SNTG2: variants seen among roughly 807,000 people sequenced by gnomAD.
The protein encoded by SNTG2 is gamma-2-syntrophin.
Under a neutral mutation model 70.9 loss-of-function variants are expected in SNTG2, and 74 were observed. The observed-to-expected ratio is 1.04, with a 90% CI of 0.86 to 1.27. The LOEUF is 1.27. SNTG2 is among the 50% of genes most tolerant of loss of function. The pLI, the probability that SNTG2 is intolerant of heterozygous loss-of-function variation, is 0.00. For synonymous variants in SNTG2, 278 were observed against 273.8 expected, an observed-to-expected ratio of 1.02 and a Z score of -0.15; for missense variants, 717 against 690.7, an observed-to-expected ratio of 1.04 and a Z score of -0.43.
intron 2 of SNTG2, 122 bp downstream of exon 2, chr2:1,083,777 C>G: frequency 9.2e-7 from 1 of 1,082,092 alleles, no homozygotes; most frequent in Non-Finnish European, 1.3e-6. Context: ...TTTAAATATC[C>G]CCAACTACTG....
chr2:1,238,551 G>A (rs1433207010), intron 10 of SNTG2, among the ~76,000 whole-genome samples: 1 of 152,164 alleles, frequency 6.6e-6, no homozygotes, highest in East Asian at 1.9e-4. Context: ...AAAGTCAACA[G>A]GATTTTAAAA....
intron 4 of SNTG2, among the ~76,000 whole-genome samples, chr2:1,113,515 C>A (rs535189198): frequency 1.6e-5 from 2 of 127,092 alleles, no homozygotes; most frequent in Non-Finnish European, 1.7e-5. Flanking sequence ...AGTCCTTTGA[C>A]GAGGATTGTG....
intron 4 of SNTG2, among the ~76,000 whole-genome samples, chr2:1,102,186 A>T (rs769883838): frequency 2.0e-5 from 3 of 152,152 alleles, no homozygotes; most frequent in Non-Finnish European, 4.4e-5. Context: ...GGTACAGAGG[A>T]GACGGGGAGA....
chr2:1,038,454 G>A (rs1016921098), intron 1 of SNTG2, among the ~76,000 whole-genome samples: 9 of 152,132 alleles, frequency 5.9e-5, no homozygotes, highest in African/African-American at 2.2e-4. Flanking sequence ...TTGTGTCATG[G>A]ACCCGAGGAA....
chr2:1,334,076 G>A (rs908649728), intron 16 of SNTG2, among the ~76,000 whole-genome samples: 1 of 152,072 alleles, frequency 6.6e-6, no homozygotes, highest in Non-Finnish European at 1.5e-5. Context: ...ACTCTGCAAG[G>A]AACTCAAACA....
chr2:1,243,163 CTAT>C (rs1462954418), intron 11 of SNTG2, among the ~76,000 whole-genome samples: 2 of 152,222 alleles, frequency 1.3e-5, no homozygotes, highest in Non-Finnish European at 2.9e-5. Flanking sequence ...TACTGGCGGT[CTAT>C]TATTGCCATC....
intron 7 of SNTG2, among the ~76,000 whole-genome samples, chr2:1,168,984 G>A (rs1670941772): frequency 6.6e-6 from 1 of 152,152 alleles, no homozygotes; most frequent in African/African-American, 2.4e-5. Flanking sequence ...CTGTGAGTTG[G>A]GAAGGGGGTG....
chr2:969,878 G>A (rs1478940655), intron 1 of SNTG2, among the ~76,000 whole-genome samples: 1 of 152,070 alleles, frequency 6.6e-6, no homozygotes, highest in Non-Finnish European at 1.5e-5. Flanking sequence ...TAATTGCTCT[G>A]GCTAGGAATT....
chr2:983,988 C>T (rs1661217798), intron 1 of SNTG2, among the ~76,000 whole-genome samples: 1 of 152,124 alleles, frequency 6.6e-6, no homozygotes, highest in South Asian at 2.1e-4. Context: ...CAAGAGGAGG[C>T]CAGACTGTGT....
At chr2:1,044,050 C>A (rs903213543) in intron 1 of SNTG2, among the ~76,000 whole-genome samples, 1 of 152,000 alleles carries the variant, frequency 6.6e-6, no homozygotes, top group Non-Finnish European at 1.5e-5. Context: ...AGTGTGGAAT[C>A]TTTTTTATTT....
chr2:1,047,456 G>A (rs1200099597), intron 1 of SNTG2, among the ~76,000 whole-genome samples: 1 of 152,154 alleles, frequency 6.6e-6, no homozygotes, highest in Non-Finnish European at 1.5e-5. Context: ...TTCTTGTGCT[G>A]GTTCTTTCTC....
chr2:967,255 G>A (rs1660598585), intron 1 of SNTG2, among the ~76,000 whole-genome samples: 1 of 152,038 alleles, frequency 6.6e-6, no homozygotes, highest in Non-Finnish European at 1.5e-5. Flanking sequence ...CCACAAATAT[G>A]CTATTTAGTA....
intron 1 of SNTG2, among the ~76,000 whole-genome samples, chr2:1,033,207 T>A (rs1660940489): frequency 6.6e-6 from 1 of 152,154 alleles, no homozygotes; most frequent in Admixed American, 6.5e-5. Flanking sequence ...GCATCCCAGT[T>A]GGTACTGCAG....
At chr2:1,199,261 A>G (rs1338986680) in intron 8 of SNTG2, among the ~76,000 whole-genome samples, 2 of 151,774 alleles carry the variant, frequency 1.3e-5, no homozygotes, top group Admixed American at 6.6e-5. Context: ...CATCACATCA[A>G]TATAATAAAG....
chr2:1,262,215 TTGGGA>T (rs1678451348), intron 13 of SNTG2, among the ~76,000 whole-genome samples: 1 of 152,038 alleles, frequency 6.6e-6, no homozygotes, highest in Non-Finnish European at 1.5e-5. Context: ...TTTCTACAAG[TTGGGA>T]TGGGAAGGAG....
At chr2:1,114,012 A>C (rs542615749) in intron 4 of SNTG2, among the ~76,000 whole-genome samples, 1 of 151,732 alleles carries the variant, frequency 6.6e-6, no homozygotes, top group East Asian at 2.0e-4. Context: ...TTTAACTCTT[A>C]CAGTCCTTTG....
intron 16 of SNTG2, among the ~76,000 whole-genome samples, chr2:1,356,493 T>C (rs1241637365): frequency 2.6e-5 from 4 of 152,208 alleles, no homozygotes; most frequent in Non-Finnish European, 2.9e-5. Flanking sequence ...CACCTGACAA[T>C]GTAGGTATAA....
At chr2:1,293,328 T>C (rs2148224258) in intron 14 of SNTG2, among the ~76,000 whole-genome samples, 1 of 152,234 alleles carries the variant, frequency 6.6e-6, no homozygotes, top group East Asian at 1.9e-4. Context: ...TGATTTTCTA[T>C]ATTGTTTTTC....
In SNTG2 at chr2:1,208,864, C is replaced by T. The variant is rs888940254; in HGVS notation, c.592-239C>T. 5.3e-5 allele frequency among the ~76,000 whole-genome samples: 8 copies of T among 152,204 alleles called. No individual in the cohort carries two copies. In the South Asian group the frequency reaches 1.4e-3, roughly 28 times the overall value. On this transcript the variant is annotated intron_variant, in intron 8 of 16. Coordinates refer to ENST00000308624, the MANE Select transcript of SNTG2 (RefSeq NM_018968.4). ...TAGGCCCCTCTTCTCCTTCTCCTTC[C>T]CTTCAGCTTCTTCTCTTTCGTGCAA...
Sources: gnomAD v4.1 joint callset for allele counts (sites outside exome capture counted in the v4.1 genomes callset) on GRCh38, gnomAD v4.1.1 for gene constraint, MANE v1.5 for transcripts, NCBI Gene and HGNC (gene_info 2026-07-23, HGNC 2026-07-21) for gene names.